TSPAN15: variants seen among roughly 807,000 people sequenced by gnomAD.
TSPAN15 encodes tetraspanin 15.
In TSPAN15, 20 loss-of-function variants were observed where a neutral mutation model predicts 34.5. The observed-to-expected ratio is 0.58, with a 90% CI of 0.41 to 0.84. The LOEUF is 0.84. TSPAN15 is among the 40% of genes least tolerant of loss of function. TSPAN15 has a pLI of 0.00. For missense variants in TSPAN15, 313 were observed against 386.1 expected, an observed-to-expected ratio of 0.81 and a Z score of 1.59; for synonymous variants, 155 against 153.9, an observed-to-expected ratio of 1.01 and a Z score of -0.05.
At chr10:69,498,140 C>T in intron 4 of TSPAN15, 140 bp from the exon 5 acceptor site, 1 of 705,832 alleles carries the variant, frequency 1.4e-6, no homozygotes, top group South Asian at 1.7e-5. Context: ...ACAGCTCTGA[C>T]TTGAAAGTGT....
the TSPAN15 span, among the ~76,000 whole-genome samples, chr10:69,538,794 C>T: frequency 1.1e-4 from 17 of 152,108 alleles, no homozygotes; most frequent in Non-Finnish European, 2.1e-4. Context: ...CACGTGTAGA[C>T]GCCCCAGCCT....
At chr10:69,507,719 G>C, downstream of TSPAN15, 1 of 1,166,116 alleles carries the variant, frequency 8.6e-7, no homozygotes, top group Non-Finnish European at 1.1e-6. Flanking sequence ...AAGGAAGGCT[G>C]CAACCTGGAT....
At chr10:69,494,831 G>GCTGCCCACGCTC in intron 3 of TSPAN15, 2 of 985,604 alleles carry the variant, frequency 2.0e-6, no homozygotes, top group Non-Finnish European at 2.4e-6. Context: ...AGTGAGCTGG[G>GCTGCCCACGCTC]CTGCCCACGC....
chr10:69,496,579 A>G (rs534672338), intron 4 of TSPAN15, among the ~76,000 whole-genome samples: 1 of 152,246 alleles, frequency 6.6e-6, no homozygotes, highest in East Asian at 1.9e-4. Flanking sequence ...TGTGGGGATC[A>G]TTGGTATGTT....
chr10:69,460,501 C>T (rs1391227936), intron 1 of TSPAN15, among the ~76,000 whole-genome samples: 1 of 151,898 alleles, frequency 6.6e-6, no homozygotes, highest in East Asian at 2.0e-4. Flanking sequence ...GGCGATGTGC[C>T]ATGTTAGCCC....
the TSPAN15 span, among the ~76,000 whole-genome samples, chr10:69,527,324 A>G: frequency 0.55 from 80,958 of 146,634 alleles, 25,663 homozygotes; most frequent in African/African-American, 0.64. Flanking sequence ...GGCCGGGCAC[A>G]GTGGCTCATG....
At position 69,485,163 on chromosome 10, in the gene TSPAN15, G is replaced by A; in HGVS notation, c.305G>A (p.Cys102Tyr). ...CAGTTCATGTACATCCTTGGGATCT[G>A]CCTCATCATGGAGCTCATTGGTGGC... Reference protein sequence around the residue: ...LQAFMYILGICLIMELIGGVV... With the variant: ...LQAFMYILGIYLIMELIGGVV... The change falls in exon 3 of 8, where the codon TGC becomes TAC. Residue 102 changes from cysteine to tyrosine, a missense_variant. Cys to Tyr is a radical substitution (Grantham distance 194). Coordinates refer to ENST00000373290, the MANE Select transcript of TSPAN15 (RefSeq NM_012339.5). 1 of 1,614,150 alleles carries A rather than the reference G, an allele frequency of 6.2e-7. No homozygotes were observed. Among genetic ancestry groups the A allele is most frequent in the South Asian group, 1.1e-5 (1 of 91,086 alleles).
At chr10:69,543,301 C>G in the TSPAN15 span, among the ~76,000 whole-genome samples, 1 of 152,222 alleles carries the variant, frequency 6.6e-6, no homozygotes, top group South Asian at 2.1e-4. Flanking sequence ...CCTTTGCAGT[C>G]TATCTCGGTC....
At chr10:69,529,061 G>A in the TSPAN15 span, among the ~76,000 whole-genome samples, 1 of 148,174 alleles carries the variant, frequency 6.7e-6, no homozygotes, top group Non-Finnish European at 1.5e-5. Context: ...ATGGTGCCCC[G>A]GCTCTGCCAG....
chr10:69,477,750 C>A (rs1589636024), intron 1 of TSPAN15, among the ~76,000 whole-genome samples: 1 of 152,176 alleles, frequency 6.6e-6, no homozygotes, highest in East Asian at 1.9e-4. Flanking sequence ...TCATAAAAGG[C>A]CCATCTGGTA....
intron 5 of TSPAN15, among the ~76,000 whole-genome samples, 187 bp from the exon 6 acceptor site, chr10:69,504,251 T>G (rs1240863585): frequency 6.6e-6 from 1 of 151,900 alleles, no homozygotes; most frequent in African/African-American, 2.4e-5. Context: ...TCACGGGGCA[T>G]TTCTTGGAGG....
chr10:69,498,242 G>A (rs558816620), intron 4 of TSPAN15, 38 bp from the exon 5 acceptor site: 29 of 1,589,654 alleles, frequency 1.8e-5, no homozygotes, highest in South Asian at 1.8e-4. Flanking sequence ...GGGCCTGGGC[G>A]ATGACGGCAG....
rs1841884843 is a variant in TSPAN15 at position 69,487,767 on chromosome 10, A to G, written c.357+2552A>G. Among the ~76,000 whole-genome samples, 3 of 152,206 alleles carry G rather than the reference A, an allele frequency of 2.0e-5. No individual in the cohort carries two copies. In the South Asian group the frequency reaches 6.2e-4, roughly 32 times the overall value. On this transcript the variant is annotated intron_variant, in intron 3 of 7. Coordinates refer to ENST00000373290, the MANE Select transcript of TSPAN15 (RefSeq NM_012339.5). ...TGAGATGAAGGCTTTGGCTGGCGGA[A>G]CATCCAGGGGCCCTTCAGTGCTCAC...
Position 69,506,750 on chromosome 10 carries a change from G to T in TSPAN15, c.736-79G>T. On this transcript the variant is annotated intron_variant, in intron 7 of 7. Transcript: ENST00000373290. The surrounding 1 kb of genome is among the most constrained non-coding windows in gnomAD (Gnocchi z 4.7). ...TGAGGGCTTGGGACTGGCTGCTTGGGTTTCTGGGAGCCGGGAGCTGCAGGG... is the reference window on the plus strand; with the variant it reads ...TGAGGGCTTGGGACTGGCTGCTTGGTTTTCTGGGAGCCGGGAGCTGCAGGG... 1 of 1,466,320 alleles carries T rather than the reference G, an allele frequency of 6.8e-7. No homozygotes were observed. The highest frequency in any genetic ancestry group is 9.3e-7 in the Non-Finnish European group (1 of 1,075,724). 90.8% of individuals were successfully genotyped at this position (1,466,320 alleles called of 1,614,324 possible). A position where few individuals can be genotyped will look rare whatever the true frequency, so the allele number is the denominator to read the frequency against.
chr10:69,451,491 C>T lies in TSPAN15; in HGVS notation c.-104C>T. 7.8e-7 allele frequency: 1 copy of T among 1,280,166 alleles called. No homozygotes were observed. Among genetic ancestry groups the T allele is most frequent in the African/African-American group, 1.5e-5 (1 of 64,716 alleles). The allele number at this position is 1,280,166 out of a possible 1,614,324, so 79.3% of individuals were successfully genotyped here. On this transcript the variant is annotated 5_prime_UTR_variant, in exon 1 of 8. Coordinates refer to ENST00000373290, the MANE Select transcript of TSPAN15 (RefSeq NM_012339.5). ...TCAGTCCCGGAGAGAACGCCGGTGG[C>T]GGGGCTGGTAGCCCGGCAGCCGCAG...
chr10:69,518,712 G>A, the TSPAN15 span, among the ~76,000 whole-genome samples: 14 of 152,266 alleles, frequency 9.2e-5, no homozygotes, highest in African/African-American at 3.4e-4. Flanking sequence ...GTGAGCCACC[G>A]CACCCGGCCA....
chr10:69,485,143 C>A lies in TSPAN15; in HGVS notation c.285C>A (p.Phe95Leu), dbSNP rs762479514. ...LRDNLYLLQA[F>L]MYILGICLIM... ...AGTCTCTGAATTCTGTTTTCCAGTTCATGTACATCCTTGGGATCTGCCTCA... is the reference window on the plus strand; with the variant it reads ...AGTCTCTGAATTCTGTTTTCCAGTTAATGTACATCCTTGGGATCTGCCTCA... The change falls in exon 3 of 8, where the codon TTC (phenylalanine) becomes TTA (leucine). Residue 95 changes from phenylalanine to leucine, a missense_variant and splice_region_variant. Transcript: ENST00000373290. The A allele has an allele frequency of 6.2e-7, 1 of 1,614,162 alleles. No individual in the cohort carries two copies. Among genetic ancestry groups the A allele is most frequent in the East Asian group, 2.2e-5 (1 of 44,874 alleles).
intron 5 of TSPAN15, among the ~76,000 whole-genome samples, chr10:69,499,869 G>A (rs1012650039): frequency 6.6e-6 from 1 of 152,118 alleles, no homozygotes; most frequent in Non-Finnish European, 1.5e-5. Flanking sequence ...TCACCCCAGG[G>A]CGTTTGAGAA....
At chr10:69,539,750 G>A in the TSPAN15 span, among the ~76,000 whole-genome samples, 1 of 152,058 alleles carries the variant, frequency 6.6e-6, no homozygotes, top group Non-Finnish European at 1.5e-5. Flanking sequence ...GGAATAACCT[G>A]TCTCCAGATT....
Sources: allele counts gnomAD v4.1 joint callset (sites outside exome capture counted in the v4.1 genomes callset), GRCh38; gene constraint gnomAD v4.1.1; non-coding constraint Gnocchi (gnomAD v3.1); transcripts MANE v1.5; gene names NCBI Gene and HGNC (gene_info 2026-07-23, HGNC 2026-07-21).